The following TANC1 variants were observed in gnomAD, a reference collection of about 807,000 sequenced individuals.
The protein encoded by TANC1 is protein TANC1.
TANC1 carries 77 observed loss-of-function variants against 149.7 expected under a neutral mutation model. That is an observed-to-expected ratio of 0.51 (90% CI 0.43 to 0.62). TANC1 has a LOEUF of 0.62. Ranked by LOEUF, TANC1 falls within the 20% of genes least tolerant of loss-of-function variation. The pLI is 0.00. For synonymous variants in TANC1, 854 were observed against 925.0 expected (o/e 0.92, Z 1.39); for missense variants, 1,985 against 2,321.8 (o/e 0.85, Z 2.98).
chr2:159,043,602 T>A (rs1179980109), intron 2 of TANC1, among the ~76,000 whole-genome samples: 1 of 152,238 alleles, frequency 6.6e-6, no homozygotes, highest in Non-Finnish European at 1.5e-5. Flanking sequence ...TTTATTGACT[T>A]GTGCCCATTT....
Position 159,054,327 on chromosome 2 carries a change from G to A in TANC1, c.-15-11569G>A, listed in dbSNP as rs577198049. Among the ~76,000 whole-genome samples the A allele has an allele frequency of 3.3e-5, 5 of 152,262 alleles. No homozygotes were observed. The South Asian group carries it at 1.0e-3, about 32-fold the overall frequency. On this transcript the variant is annotated intron_variant, in intron 2 of 26. Transcript: ENST00000263635. ...GTGAGGATTTAATCAGTATATGCAT[G>A]GTAAGTGCTTAGAACAGGGCCAGGC...
At chr2:159,054,780 G>A (rs2041726029) in intron 2 of TANC1, among the ~76,000 whole-genome samples, 1 of 152,190 alleles carries the variant, frequency 6.6e-6, no homozygotes, top group Non-Finnish European at 1.5e-5. Flanking sequence ...CACGCATACA[G>A]TGGCCTCCTC....
intron 16 of TANC1, among the ~76,000 whole-genome samples, chr2:159,193,769 C>A (rs939432550): frequency 2.4e-4 from 37 of 152,224 alleles, no homozygotes; most frequent in Non-Finnish European, 4.6e-4. Context: ...GATCCACCCG[C>A]CATGGCCTCT....
intron 7 of TANC1, among the ~76,000 whole-genome samples, chr2:159,162,140 A>G (rs2054109953): frequency 6.6e-6 from 1 of 152,238 alleles, no homozygotes; most frequent in South Asian, 2.1e-4. Context: ...CGTAAAGAAT[A>G]TAAACAAAGC....
At chr2:159,033,586 A>G (rs1158463761) in intron 2 of TANC1, among the ~76,000 whole-genome samples, 1 of 152,220 alleles carries the variant, frequency 6.6e-6, no homozygotes, top group Non-Finnish European at 1.5e-5. Flanking sequence ...CATGAGAGAC[A>G]GAAATTGGGG....
intron 1 of TANC1, among the ~76,000 whole-genome samples, chr2:158,979,397 G>A (rs541281305): frequency 4.6e-5 from 7 of 151,978 alleles, no homozygotes; most frequent in Admixed American, 1.3e-4. Flanking sequence ...GGGAGACTGA[G>A]GTGGGAGGGT....
chr2:159,070,675 G>T (rs1046597791), intron 3 of TANC1, among the ~76,000 whole-genome samples: 1 of 152,180 alleles, frequency 6.6e-6, no homozygotes, highest in Non-Finnish European at 1.5e-5. Context: ...CCTGGTTCAC[G>T]TGCCTCGGAT....
chr2:159,142,800 A>C (rs1266095574), intron 5 of TANC1, among the ~76,000 whole-genome samples: 3 of 151,688 alleles, frequency 2.0e-5, no homozygotes, highest in Non-Finnish European at 4.4e-5. Context: ...ACGATGGCTG[A>C]CACCTGTAAT....
At chr2:159,166,327 G>A (rs983683791) in intron 8 of TANC1, among the ~76,000 whole-genome samples, 19 of 152,112 alleles carry the variant, frequency 1.2e-4, no homozygotes, top group African/African-American at 4.3e-4. Flanking sequence ...CTTTCCATAG[G>A]TTAGACCACA....
chr2:159,053,744 A>AT lies in TANC1; in HGVS notation c.-15-12151dup, dbSNP rs1180370798. Among the ~76,000 whole-genome samples the AT allele has an allele frequency of 9.2e-5, 14 of 152,188 alleles. 1 individual carries two copies. The highest frequency in any genetic ancestry group is 3.4e-4 in the African/African-American group (14 of 41,450). On this transcript the variant is annotated intron_variant, in intron 2 of 26. Coordinates refer to ENST00000263635, the MANE Select transcript of TANC1 (RefSeq NM_033394.3). ...GCTAACTTCTGGGTAAGTGTTAGGA[A>AT]TAGGGGCAGCATTGTTTGTATGACA...
At chr2:159,090,509 G>T (rs934351111) in intron 3 of TANC1, among the ~76,000 whole-genome samples, 28 of 152,162 alleles carry the variant, frequency 1.8e-4, no homozygotes, top group Non-Finnish European at 4.0e-4. Context: ...GGCAGGGATC[G>T]GGGGTCCCTC....
chr2:159,219,030 G>C (rs2059521694), intron 20 of TANC1, among the ~76,000 whole-genome samples: 1 of 152,064 alleles, frequency 6.6e-6, no homozygotes, highest in South Asian at 2.1e-4. Flanking sequence ...CAATGAATTG[G>C]GCATGTTAAA....
intron 19 of TANC1, among the ~76,000 whole-genome samples, chr2:159,210,569 G>GT (rs991026400): frequency 4.0e-5 from 6 of 151,840 alleles, no homozygotes; most frequent in African/African-American, 1.2e-4. Flanking sequence ...TTGTTTGTTT[G>GT]TTTTTTGTTT....
chr2:159,213,106 A>G (rs2059109846), intron 19 of TANC1, among the ~76,000 whole-genome samples: 2 of 152,128 alleles, frequency 1.3e-5, no homozygotes, highest in African/African-American at 2.4e-5. Flanking sequence ...GAAGACACCC[A>G]TGAATTTTGT....
At chr2:159,054,220 G>C (rs933892668) in intron 2 of TANC1, among the ~76,000 whole-genome samples, 2 of 152,220 alleles carry the variant, frequency 1.3e-5, no homozygotes, top group African/African-American at 4.8e-5. Flanking sequence ...TGCACACTGA[G>C]TTGTGTGACC....
At chr2:159,208,101 C>T (rs1276762159) in intron 19 of TANC1, among the ~76,000 whole-genome samples, 1 of 152,138 alleles carries the variant, frequency 6.6e-6, no homozygotes, top group Non-Finnish European at 1.5e-5. Flanking sequence ...CATCATGACA[C>T]CTGGTTCAAA....
At chr2:159,132,774 A>G (rs976320649) in intron 4 of TANC1, among the ~76,000 whole-genome samples, 3 of 151,450 alleles carry the variant, frequency 2.0e-5, no homozygotes, top group Admixed American at 1.3e-4. Context: ...GATTACAGGC[A>G]TGAACCACCG....
Position 159,230,965 on chromosome 2 carries a change from C to T in TANC1, c.5539C>T (p.Leu1847Phe). 1 of 1,614,022 alleles carries T rather than the reference C, an allele frequency of 6.2e-7. No individual in the cohort carries two copies. Among genetic ancestry groups the T allele is most frequent in the Non-Finnish European group, 8.5e-7 (1 of 1,179,996 alleles). ...TAGTAATGAAGCCCACAGGAGCCAC[C>T]TCACTGCAGCCAAACCAAAGCGATC... is the stretch of plus-strand genomic sequence containing the variant. ...HISNEAHRSH[L>F]TAAKPKRSFI... The change falls in exon 27 of 27, where the codon CTC becomes TTC. Residue 1847 changes from leucine to phenylalanine, a missense_variant. Physicochemically the swap from Leu to Phe is conservative, Grantham distance 22. Around this residue, in one of 3 missense-constraint regions of TANC1, gnomAD observed 920 missense variants for 994.7 expected, o/e 0.92. Transcript: ENST00000263635. This position sits in a 1 kb window ranked among gnomAD's most constrained non-coding sequence, Gnocchi z 4.4.
chr2:159,230,180 C>T lies in TANC1; in HGVS notation c.4754C>T (p.Thr1585Ile), dbSNP rs375026582. The T allele has an allele frequency of 1.5e-5, 25 of 1,613,974 alleles. No homozygotes were observed. The South Asian group carries it at 1.8e-4, about 11-fold the overall frequency. The stretch of plus-strand genomic sequence containing the variant: ...AGCAGAACCCAGCATTTAGAGGGAA[C>T]AGGTACTTTCACTACAAGAGCTGGT... ...AGSRTQHLEG[T>I]GTFTTRAGCG... Residue 1585 changes from threonine (T) to isoleucine (I), a missense_variant, in exon 27 of 27, where the codon ACA becomes ATA. This residue lies in a region of TANC1 where 920 missense variants were observed against 994.7 expected (regional missense o/e 0.92). Transcript: ENST00000263635. This position sits in a 1 kb window ranked among gnomAD's most constrained non-coding sequence, Gnocchi z 4.4.
Sources: gnomAD v4.1 joint callset for allele counts (sites outside exome capture counted in the v4.1 genomes callset) on GRCh38, gnomAD v4.1.1 for gene constraint, gnomAD v4.1.1 regional missense constraint, Gnocchi (gnomAD v3.1) non-coding constraint, MANE v1.5 for transcripts, NCBI Gene and HGNC (gene_info 2026-07-23, HGNC 2026-07-21) for gene names.